Variants in AGBL1 observed in about 807,000 individuals in gnomAD.
AGBL1 encodes AGBL carboxypeptidase 1.
AGBL1 carries 130 observed loss-of-function variants against 118.9 expected under a neutral mutation model. The observed-to-expected ratio is 1.09, with a 90% CI of 0.95 to 1.26. The LOEUF is 1.26. Among genes scored for constraint, AGBL1 ranks in the 50% most tolerant of loss-of-function variants. The pLI, the probability that AGBL1 is intolerant of heterozygous loss-of-function variation, is 0.00. For synonymous variants in AGBL1, 555 were observed against 478.9 expected, an observed-to-expected ratio of 1.16 and a Z score of -2.08; for missense variants, 1,584 against 1,298.1, an observed-to-expected ratio of 1.22 and a Z score of -3.38.
intron 22 of AGBL1, among the ~76,000 whole-genome samples, chr15:86,905,281 T>C (rs1423320027): frequency 6.6e-6 from 1 of 152,200 alleles, no homozygotes; most frequent in Non-Finnish European, 1.5e-5. Context: ...AGGACATTAT[T>C]TAAGCAAGAC....
rs201386277 is a variant in AGBL1 at position 86,967,352 on chromosome 15, T to C, written c.3222-20635T>C. On this transcript the variant is annotated intron_variant, in intron 23 of 24. Transcript: ENST00000441037. Reference sequence around the variant, plus strand: ...TTAATTAGATCCCATTTGTCAATTTTGGCTTTTGTTGCCATTGCTTTTGGT... The same window carrying C: ...TTAATTAGATCCCATTTGTCAATTTCGGCTTTTGTTGCCATTGCTTTTGGT... Among the ~76,000 whole-genome samples, 233 of 152,292 alleles carry C rather than the reference T, an allele frequency of 1.5e-3. 4 individuals are homozygous for C. In the East Asian group the frequency reaches 0.038, roughly 25 times the overall value.
intron 5 of AGBL1, among the ~76,000 whole-genome samples, chr15:86,205,740 T>C (rs2077980628): frequency 6.6e-6 from 1 of 152,226 alleles, no homozygotes; most frequent in Non-Finnish European, 1.5e-5. Flanking sequence ...CTTTGACATC[T>C]GTATGTCTTC....
intron 22 of AGBL1, among the ~76,000 whole-genome samples, chr15:86,677,831 T>C (rs2085876901): frequency 6.6e-6 from 1 of 152,148 alleles, no homozygotes; most frequent in African/African-American, 2.4e-5. Context: ...ATTAAAAAGG[T>C]GCTTGATTTT....
chr15:86,925,058 C>A (rs912147546), intron 23 of AGBL1, among the ~76,000 whole-genome samples: 9 of 150,856 alleles, frequency 6.0e-5, no homozygotes, highest in Admixed American at 2.0e-4. Context: ...GCCGAGACTG[C>A]ACCACTGCAC....
intron 19 of AGBL1, among the ~76,000 whole-genome samples, chr15:86,536,202 A>G (rs1410961897): frequency 6.6e-6 from 1 of 152,222 alleles, no homozygotes; most frequent in African/African-American, 2.4e-5. Context: ...GAATTGCTTC[A>G]GTTTCTTGAT....
intron 19 of AGBL1, among the ~76,000 whole-genome samples, chr15:86,539,696 T>C (rs2083468752): frequency 6.6e-6 from 1 of 152,218 alleles, no homozygotes; most frequent in Non-Finnish European, 1.5e-5. Flanking sequence ...TGTTTTGTCA[T>C]TTGCTTGGAT....
In AGBL1 at chr15:86,440,484, G is replaced by GAATAATGATAAT. The variant is rs1555486130; in HGVS notation, c.2555+42944_2555+42945insGATAATAATAAT. On this transcript the variant is annotated intron_variant, in intron 18 of 22. Coordinates refer to ENST00000614907, the MANE Select transcript of AGBL1 (RefSeq NM_001386094.1). ...TGTCCTATCACCACCATGGGATGGA[G>GAATAATGATAAT]AATAATAATAATAATAATAATAATA... Among the ~76,000 whole-genome samples, 30 of 144,508 alleles carry GAATAATGATAAT rather than the reference G, an allele frequency of 2.1e-4. No individual in the cohort carries two copies. In the South Asian group the frequency reaches 5.9e-3, roughly 28 times the overall value. 94.8% of individuals were successfully genotyped at this position (144,508 alleles called of 152,430 possible).
At chr15:87,007,371 G>C (rs1254519596) in intron 24 of AGBL1, among the ~76,000 whole-genome samples, 1 of 152,050 alleles carries the variant, frequency 6.6e-6, no homozygotes, top group Non-Finnish European at 1.5e-5. Flanking sequence ...AAAATACATT[G>C]CTTTTAGCTA....
chr15:86,463,953 G>T (rs866118835), intron 18 of AGBL1, among the ~76,000 whole-genome samples: 1 of 152,116 alleles, frequency 6.6e-6, no homozygotes, highest in African/African-American at 2.4e-5. Context: ...GAAATTTAAA[G>T]TAGTTTTTTT....
chr15:86,658,851 A>G (rs186460149), intron 21 of AGBL1, among the ~76,000 whole-genome samples: 24 of 152,302 alleles, frequency 1.6e-4, no homozygotes, highest in African/African-American at 5.8e-4. Flanking sequence ...GCAATCCTCC[A>G]TGTTGGTATG....
intron 5 of AGBL1, 56 bp from the exon 6 acceptor site, chr15:86,224,858 G>A: frequency 6.4e-7 from 1 of 1,574,448 alleles, no homozygotes; most frequent in Non-Finnish European, 8.7e-7. Flanking sequence ...TGGGATCCAT[G>A]TGCTGAGAAA....
chr15:86,771,214 A>C (rs2078175144), intron 22 of AGBL1, among the ~76,000 whole-genome samples: 1 of 152,092 alleles, frequency 6.6e-6, no homozygotes, highest in South Asian at 2.1e-4. Context: ...TTTATCTCTT[A>C]TAGTAGAAAG....
intron 22 of AGBL1, among the ~76,000 whole-genome samples, chr15:86,738,257 T>G (rs2077628979): frequency 6.6e-6 from 1 of 152,186 alleles, no homozygotes; most frequent in Non-Finnish European, 1.5e-5. Flanking sequence ...ATGTGACAAT[T>G]ACACAGCTAA....
At chr15:86,233,298 A>G (rs1032321640) in intron 6 of AGBL1, among the ~76,000 whole-genome samples, 2 of 152,214 alleles carry the variant, frequency 1.3e-5, no homozygotes, top group African/African-American at 4.8e-5. Flanking sequence ...AACTGAAATC[A>G]AACACTTGAC....
intron 18 of AGBL1, among the ~76,000 whole-genome samples, chr15:86,490,252 T>C (rs1293739410): frequency 2.0e-5 from 3 of 152,076 alleles, no homozygotes; most frequent in African/African-American, 7.2e-5. Flanking sequence ...TCTTTCATCA[T>C]CCCTGCAGTG....
intron 21 of AGBL1, among the ~76,000 whole-genome samples, chr15:86,637,653 G>T (rs2085118824): frequency 6.6e-6 from 1 of 152,204 alleles, no homozygotes; most frequent in South Asian, 2.1e-4. Flanking sequence ...GGGAAAGATG[G>T]TGGCTTGGAG....
intron 4 of AGBL1, among the ~76,000 whole-genome samples, chr15:86,158,048 G>A (rs2077216290): frequency 6.6e-6 from 1 of 152,156 alleles, no homozygotes; most frequent in South Asian, 2.1e-4. Context: ...GGAAGTAAGA[G>A]CTGAATGAGT....
In AGBL1 at chr15:86,102,879, CATTTTTCTATTGTCTTTCT is replaced by C. The variant is rs1167491655; in HGVS notation, c.51+22881_51+22899del. 1.2e-3 allele frequency among the ~76,000 whole-genome samples: 183 copies of C among 152,152 alleles called. 1 individual carries two copies. The highest frequency in any genetic ancestry group is 4.1e-3 in the African/African-American group (171 of 41,538). ...CCACTATTTTGTTAAATAGGTTTTC[CATTTTTCTATTGTCTTTCT>C]ATTTTTCTATTGTCTTTCTATTTTA... On this transcript the variant is annotated intron_variant, in intron 1 of 22. Coordinates refer to ENST00000614907, the MANE Select transcript of AGBL1 (RefSeq NM_001386094.1).
chr15:86,593,398 A>G (rs2084364713), intron 21 of AGBL1, among the ~76,000 whole-genome samples: 1 of 151,758 alleles, frequency 6.6e-6, no homozygotes, highest in African/African-American at 2.4e-5. Context: ...AGGAGATAGG[A>G]GATACAGACA....
Sources: allele counts gnomAD v4.1 joint callset (sites outside exome capture counted in the v4.1 genomes callset), GRCh38; gene constraint gnomAD v4.1.1; transcripts MANE v1.5; gene names NCBI Gene and HGNC (gene_info 2026-07-23, HGNC 2026-07-21).